The following TCF12 variants were observed in gnomAD, a reference collection of about 807,000 sequenced individuals.
TCF12 encodes transcription factor 12, also known as DNA-binding protein HTF4.
TCF12 carries 45 observed loss-of-function variants against 86.0 expected under a neutral mutation model. The ratio of observed to expected loss-of-function variants is 0.52; its 90% CI spans 0.41 to 0.67. TCF12 has a LOEUF of 0.67. Among genes scored for constraint, TCF12 ranks in the 30% least tolerant of loss-of-function variants. The pLI is 0.00. For synonymous variants in TCF12, 330 were observed against 299.6 expected (o/e 1.10, Z -1.05); for missense variants, 881 against 859.9 (o/e 1.02, Z -0.31).
intron 16 of TCF12, among the ~76,000 whole-genome samples, chr15:57,253,806 A>T (rs1307304260): frequency 2.6e-5 from 4 of 152,216 alleles, no homozygotes; most frequent in African/African-American, 9.7e-5. Context: ...AAAGTTGTTT[A>T]TTGTAATTTA....
intron 3 of TCF12, among the ~76,000 whole-genome samples, chr15:56,998,734 A>G (rs192417320): frequency 1.7e-3 from 260 of 152,296 alleles, no homozygotes; most frequent in African/African-American, 6.1e-3. Flanking sequence ...GCAGCAGAAT[A>G]TACATTCTTT....
chr15:56,952,180 T>TCG lies in TCF12; in HGVS notation c.148+31082_148+31083insCG, dbSNP rs1270898335. 2.4e-4 allele frequency among the ~76,000 whole-genome samples: 8 copies of TCG among 32,656 alleles called. No individual in the cohort carries two copies. The Admixed American group carries it at 3.8e-3, about 16-fold the overall frequency. The allele number at this position is 32,656 out of a possible 152,430, so 21.4% of individuals were successfully genotyped here. A position where few individuals can be genotyped will look rare whatever the true frequency, so the allele number is the denominator to read the frequency against. On this transcript the variant is annotated intron_variant, in intron 3 of 20. Transcript: ENST00000333725. ...TTTATTGTTTATAAAAAAGGCTTTT[T>TCG]TGTGTATATACACACACACACACAC...
At chr15:57,181,624 A>G (rs926130674) in intron 6 of TCF12, among the ~76,000 whole-genome samples, 1 of 152,196 alleles carries the variant, frequency 6.6e-6, no homozygotes, top group South Asian at 2.1e-4. Context: ...TATCACCACC[A>G]AAGCTTACAC....
intron 5 of TCF12, among the ~76,000 whole-genome samples, chr15:57,098,273 T>C (rs1182506618): frequency 6.6e-6 from 1 of 152,178 alleles, no homozygotes; most frequent in African/African-American, 2.4e-5. Context: ...CCCTTTCCAC[T>C]ACGTTGCTTT....
At chr15:57,123,167 A>C (rs953246825) in intron 5 of TCF12, among the ~76,000 whole-genome samples, 20 of 152,316 alleles carry the variant, frequency 1.3e-4, no homozygotes, top group African/African-American at 4.3e-4. Flanking sequence ...TATGTCAGAA[A>C]ATTTTTGCTT....
intron 3 of TCF12, among the ~76,000 whole-genome samples, chr15:57,046,919 T>C (rs1322599538): frequency 2.0e-5 from 3 of 152,196 alleles, no homozygotes; most frequent in African/African-American, 7.2e-5. Flanking sequence ...CATAAACTCA[T>C]ATTTTACCCA....
At chr15:57,029,264 A>C (rs2066004357) in intron 3 of TCF12, among the ~76,000 whole-genome samples, 1 of 151,964 alleles carries the variant, frequency 6.6e-6, no homozygotes, top group Non-Finnish European at 1.5e-5. Flanking sequence ...GCCTTAGTTG[A>C]AAATCATTTG....
At chr15:56,984,249 G>GGTGTGTGTGTGTGTGTGTGT (rs56221122) in intron 3 of TCF12, among the ~76,000 whole-genome samples, 44 of 123,070 alleles carry the variant, frequency 3.6e-4, no homozygotes, top group Admixed American at 1.2e-3. Flanking sequence ...GCATGTGCAT[G>GGTGTGTGTGTGTGTGTGTGT]GTGTGTGTGT....
rs555040246 is a variant in TCF12, at chr15:57,253,034, G to A, written c.1261-228G>A. On this transcript the variant is annotated intron_variant, in intron 15 of 20. Coordinates refer to ENST00000333725, the MANE Select transcript of TCF12 (RefSeq NM_207037.2). Reference sequence around the variant, plus strand: ...AACCTCATGGTAGTTTGGTAAATTCGTTTTATAAAGCAGTGATTTGTTTCT... The same window carrying A: ...AACCTCATGGTAGTTTGGTAAATTCATTTTATAAAGCAGTGATTTGTTTCT... Among the ~76,000 whole-genome samples, 43 of 147,552 alleles carry A rather than the reference G, an allele frequency of 2.9e-4. 1 individual carries two copies. The highest frequency in any genetic ancestry group is 1.7e-3 in the South Asian group (8 of 4,696).
chr15:57,167,006 C>T (rs149968216), intron 6 of TCF12, among the ~76,000 whole-genome samples: 1 of 152,108 alleles, frequency 6.6e-6, no homozygotes, highest in African/African-American at 2.4e-5. Context: ...GACTGAGAAT[C>T]CTGAACACAC....
chr15:57,144,845 A>G (rs940586359), intron 5 of TCF12, among the ~76,000 whole-genome samples: 1 of 152,004 alleles, frequency 6.6e-6, no homozygotes, highest in Non-Finnish European at 1.5e-5. Context: ...CTAGAGATCC[A>G]CCTGCCTCAA....
intron 3 of TCF12, among the ~76,000 whole-genome samples, chr15:57,007,854 C>T (rs1204412342): frequency 2.5e-4 from 2 of 7,864 alleles, no homozygotes; most frequent in Non-Finnish European, 7.2e-4. Flanking sequence ...CTTTCCCTCC[C>T]TTCCTTCCTT....
chr15:57,219,226 C>A, intron 8 of TCF12: 6 of 1,118,402 alleles, frequency 5.4e-6, no homozygotes, highest in South Asian at 4.3e-5. Context: ...TTATTCAGGG[C>A]ATATTTATTT....
intron 12 of TCF12, among the ~76,000 whole-genome samples, chr15:57,237,476 A>T (rs2059428760): frequency 1.3e-5 from 2 of 152,098 alleles, no homozygotes; most frequent in African/African-American, 2.4e-5. Context: ...TGATAGGAGG[A>T]GGAGTCTCAT....
intron 4 of TCF12, among the ~76,000 whole-genome samples, chr15:57,087,743 A>G (rs2048742965): frequency 6.6e-6 from 1 of 152,182 alleles, no homozygotes; most frequent in Admixed American, 6.5e-5. Flanking sequence ...AATTATTAAT[A>G]TCTTGAGTGC....
Position 57,213,690 on chromosome 15 carries a change from G to T in TCF12, c.579+15865G>T, listed in dbSNP as rs140630845. Among the ~76,000 whole-genome samples, 126 of 152,046 alleles carry T rather than the reference G, an allele frequency of 8.3e-4. 1 individual carries two copies. Among genetic ancestry groups the T allele is most frequent in the African/African-American group, 2.7e-3 (110 of 41,472 alleles). ...TTCCAGTTCAGAAGAAAAAAAAATCGCACAGGCCAAAAGAAGAAACAAAAA... is the reference window on the plus strand; with the variant it reads ...TTCCAGTTCAGAAGAAAAAAAAATCTCACAGGCCAAAAGAAGAAACAAAAA... On this transcript the variant is annotated intron_variant, in intron 8 of 20. Coordinates refer to ENST00000333725, the MANE Select transcript of TCF12 (RefSeq NM_207037.2).
At chr15:56,918,263 C>CTGGG (rs1348356746), upstream of TCF12, 24 of 456,130 alleles carry the variant, frequency 5.3e-5, no homozygotes, top group Non-Finnish European at 8.4e-5. Context: ...GCTCGGGGAC[C>CTGGG]TGGGCAGCGG....
intron 3 of TCF12, among the ~76,000 whole-genome samples, chr15:56,946,695 T>C (rs2061011852): frequency 6.6e-6 from 1 of 152,110 alleles, no homozygotes; most frequent in Non-Finnish European, 1.5e-5. Context: ...TTTTGTTTTT[T>C]AGAGATGTAA....
chr15:57,153,621 G>T (rs999753524), intron 5 of TCF12, among the ~76,000 whole-genome samples: 7 of 152,176 alleles, frequency 4.6e-5, no homozygotes, highest in Non-Finnish European at 1.0e-4. Flanking sequence ...TGGGAGGAAG[G>T]ATTTAACATC....
Sources: gnomAD v4.1 joint callset for allele counts (sites outside exome capture counted in the v4.1 genomes callset) on GRCh38, gnomAD v4.1.1 for gene constraint, MANE v1.5 for transcripts, NCBI Gene and HGNC (gene_info 2026-07-23, HGNC 2026-07-21) for gene names.